The following BRD10 variants were observed in gnomAD, a reference collection of about 807,000 sequenced individuals.
BRD10 encodes the protein bromodomain containing 10.
the BRD10 span, chr9:5,881,531 G>C: frequency 6.6e-6 from 1 of 152,298 alleles, no homozygotes; most frequent in Non-Finnish European, 1.5e-5. Context: ...CCCAGGTGGT[G>C]CTGGGGCCTG....
the BRD10 span, chr9:5,924,957 T>A: frequency 1.3e-6 from 1 of 758,912 alleles, no homozygotes; most frequent in Non-Finnish European, 1.9e-6. Flanking sequence ...ATTAAGTCAC[T>A]AGAAATGCTT....
At chr9:5,940,152 G>A in the BRD10 span, among the ~76,000 whole-genome samples, 4 of 151,984 alleles carry the variant, frequency 2.6e-5, no homozygotes, top group South Asian at 4.1e-4. Context: ...TTTACATACT[G>A]TAATCATTAT....
the BRD10 span, among the ~76,000 whole-genome samples, chr9:5,974,149 GACAGATTACGTAT>G: frequency 6.6e-6 from 1 of 152,050 alleles, no homozygotes; most frequent in Non-Finnish European, 1.5e-5. Flanking sequence ...CAGAAAAAAG[GACAGATTACGTAT>G]ACAGGAATGA....
the BRD10 span, chr9:5,913,925 G>A: frequency 4.8e-6 from 2 of 415,758 alleles, no homozygotes; most frequent in South Asian, 1.8e-5. Context: ...AACATCAGAA[G>A]CATGACGCCT....
the BRD10 span, among the ~76,000 whole-genome samples, chr9:5,939,663 T>G: frequency 6.6e-6 from 1 of 152,212 alleles, no homozygotes; most frequent in African/African-American, 2.4e-5. Context: ...TCCAAGTAAG[T>G]TGGCAGCAGT....
At chr9:5,944,284 G>C in the BRD10 span, among the ~76,000 whole-genome samples, 1 of 151,876 alleles carries the variant, frequency 6.6e-6, no homozygotes, top group Non-Finnish European at 1.5e-5. Flanking sequence ...CAAGTATCAG[G>C]TGAATAAATA....
chr9:5,990,673 C>T, the BRD10 span, among the ~76,000 whole-genome samples: 1 of 151,958 alleles, frequency 6.6e-6, no homozygotes, highest in African/African-American at 2.4e-5. Context: ...AAAGAAAATC[C>T]AACCAACCAT....
the BRD10 span, among the ~76,000 whole-genome samples, chr9:5,916,525 GTATA>G: frequency 3.4e-5 from 5 of 147,022 alleles, no homozygotes; most frequent in Non-Finnish European, 7.5e-5. Flanking sequence ...ACATATGTGT[GTATA>G]TATATGTATA....
chr9:5,904,493 G>C, the BRD10 span, among the ~76,000 whole-genome samples: 1 of 152,070 alleles, frequency 6.6e-6, no homozygotes, highest in Non-Finnish European at 1.5e-5. Flanking sequence ...TTTTGAGACA[G>C]AATCTCACTC....
the BRD10 span, among the ~76,000 whole-genome samples, chr9:5,915,820 G>A: frequency 1.3e-5 from 2 of 152,110 alleles, no homozygotes; most frequent in Admixed American, 1.3e-4. Flanking sequence ...TACATTATAT[G>A]GTTCTCAAGA....
At chr9:5,944,586 A>C in the BRD10 span, among the ~76,000 whole-genome samples, 2 of 152,214 alleles carry the variant, frequency 1.3e-5, no homozygotes, top group African/African-American at 4.8e-5. Flanking sequence ...TTACCCAAAA[A>C]ACTACCAGTC....
the BRD10 span, among the ~76,000 whole-genome samples, chr9:5,996,750 A>G: frequency 1.1e-3 from 164 of 152,334 alleles, 1 homozygote; most frequent in African/African-American, 3.6e-3. Flanking sequence ...AGTATTTGAA[A>G]AGTGCCTTAT....
At chr9:5,931,997 T>C in the BRD10 span, among the ~76,000 whole-genome samples, 1 of 152,328 alleles carries the variant, frequency 6.6e-6, no homozygotes, top group East Asian at 1.9e-4. Flanking sequence ...ATGGTGCTTA[T>C]AACCCCAATC....
the BRD10 span, among the ~76,000 whole-genome samples, chr9:5,991,755 G>C: frequency 6.9e-6 from 1 of 144,304 alleles, no homozygotes; most frequent in African/African-American, 2.6e-5. Context: ...AGGCAAATCA[G>C]ATGCCACTAC....
At chr9:5,917,729 T>C in the BRD10 span, among the ~76,000 whole-genome samples, 13 of 152,196 alleles carry the variant, frequency 8.5e-5, no homozygotes, top group Non-Finnish European at 1.6e-4. Flanking sequence ...GGTGCACACC[T>C]GTAATCCCAG....
the BRD10 span, among the ~76,000 whole-genome samples, chr9:5,927,453 C>T: frequency 6.6e-6 from 1 of 152,104 alleles, no homozygotes; most frequent in Non-Finnish European, 1.5e-5. Context: ...CTCTCTTAAC[C>T]TCTTTTCCTT....
chr9:5,892,374 T>A, the BRD10 span: 3 of 1,008,980 alleles, frequency 3.0e-6, no homozygotes, highest in African/African-American at 4.9e-5. Context: ...GTGAGGATGC[T>A]GTTGTGGGTC....
chr9:5,904,136 G>C, the BRD10 span, among the ~76,000 whole-genome samples: 1 of 152,156 alleles, frequency 6.6e-6, no homozygotes, highest in East Asian at 1.9e-4. Context: ...TGGGATTACA[G>C]GTGTGAGCCA....
At chr9:5,976,442 T>G in the BRD10 span, among the ~76,000 whole-genome samples, 2 of 152,222 alleles carry the variant, frequency 1.3e-5, no homozygotes, top group African/African-American at 4.8e-5. Flanking sequence ...TAGGATACTG[T>G]ATCTTAGAAT....
Sources: allele counts gnomAD v4.1 joint callset (sites outside exome capture counted in the v4.1 genomes callset), GRCh38; gene constraint gnomAD v4.1.1; transcripts MANE v1.5; gene names NCBI Gene and HGNC (gene_info 2026-07-23, HGNC 2026-07-21).